Variants in TOX3 observed in about 807,000 individuals in gnomAD.
TOX3 encodes the protein CAG trinucleotide repeat-containing gene F9 protein.
In TOX3, 22 loss-of-function variants were observed where a neutral mutation model predicts 64.3. The ratio of observed to expected loss-of-function variants is 0.34; its 90% CI spans 0.24 to 0.49. The LOEUF (loss-of-function observed/expected upper bound fraction) is 0.49, where lower values mean the gene tolerates loss of function less well. Ranked by LOEUF, TOX3 falls within the 20% of genes least tolerant of loss-of-function variation. The probability of loss-of-function intolerance (pLI) is 0.99; values close to 1 mark genes in which losing one functional copy is unlikely to be tolerated. For synonymous variants in TOX3, 291 were observed against 273.6 expected (o/e 1.06, Z -0.63); for missense variants, 661 against 714.4 (o/e 0.93, Z 0.85).
intron 3 of TOX3, among the ~76,000 whole-genome samples, chr16:52,460,521 G>A (rs1241446194): frequency 6.6e-6 from 1 of 152,042 alleles, no homozygotes; most frequent in Non-Finnish European, 1.5e-5. Flanking sequence ...TTTCATTGCA[G>A]GAAAGAAATA....
At chr16:52,484,186 T>C (rs1381994003) in intron 1 of TOX3, among the ~76,000 whole-genome samples, 2 of 152,208 alleles carry the variant, frequency 1.3e-5, no homozygotes, top group Non-Finnish European at 2.9e-5. Flanking sequence ...GAAATTTCTT[T>C]AAACAAAGTC....
intron 1 of TOX3, among the ~76,000 whole-genome samples, chr16:52,526,548 G>A (rs1305638339): frequency 6.6e-6 from 1 of 152,010 alleles, no homozygotes; most frequent in East Asian, 1.9e-4. Flanking sequence ...GGCAGGGGAT[G>A]GGGGTGGTGG....
intron 1 of TOX3, among the ~76,000 whole-genome samples, chr16:52,506,715 T>C (rs1026685982): frequency 6.6e-6 from 1 of 152,104 alleles, no homozygotes; most frequent in African/African-American, 2.4e-5. Context: ...GGTGGGGAAT[T>C]ATTGGAGAGG....
chr16:52,538,624 A>G (rs1963011790), intron 1 of TOX3, among the ~76,000 whole-genome samples: 1 of 152,228 alleles, frequency 6.6e-6, no homozygotes, highest in South Asian at 2.1e-4. Context: ...ATGAGTATAT[A>G]TCATTCAAAT....
chr16:52,546,684 C>A lies in TOX3; in HGVS notation c.40G>T (p.Ala14Ser), dbSNP rs748500023. 2.6e-6 allele frequency: 4 copies of A among 1,543,292 alleles called. No individual in the cohort carries two copies. The Admixed American group carries it at 7.7e-5, about 30-fold the overall frequency. ...RFYPAAAGDPASLDFAQCLGY... is the reference protein window; with the variant it reads ...RFYPAAAGDPSSLDFAQCLGY... ...AGGCACTGCGCGAAGTCCAGGCTGG[C>A]AGGGTCCCCGGCCGCCGCGGGGTAG... is the stretch of plus-strand genomic sequence containing the variant. The change falls in exon 1 of 7, where the codon GCC becomes TCC. Residue 14 changes from alanine (A) to serine (S), a missense_variant. Transcript: ENST00000219746.
intron 1 of TOX3, among the ~76,000 whole-genome samples, chr16:52,487,375 A>C (rs547726094): frequency 4.6e-5 from 7 of 152,254 alleles, no homozygotes; most frequent in African/African-American, 1.7e-4. Flanking sequence ...ATGAAGAAAA[A>C]TAAGCTTCCT....
At chr16:52,542,221 T>C (rs1963090390) in intron 1 of TOX3, among the ~76,000 whole-genome samples, 1 of 152,156 alleles carries the variant, frequency 6.6e-6, no homozygotes, top group Non-Finnish European at 1.5e-5. Context: ...GTGTCACAAA[T>C]TTCTTTACGC....
At position 52,479,048 on chromosome 16, in the gene TOX3, C is replaced by T. The variant is rs145039919; in HGVS notation, c.88-10474G>A. On this transcript the variant is annotated intron_variant, in intron 1 of 6. Transcript: ENST00000219746. ...ATAAGACCCAGTTTCTACCCAAGAA[C>T]AGCTCTAATAGAAAAGACATATATG... 7.4e-4 allele frequency among the ~76,000 whole-genome samples: 112 copies of T among 152,296 alleles called. 2 individuals are homozygous for T. Among genetic ancestry groups the T allele is most frequent in the African/African-American group, 2.7e-3 (111 of 41,564 alleles).
chr16:52,534,426 C>A (rs1388231969), intron 1 of TOX3, among the ~76,000 whole-genome samples: 2 of 151,952 alleles, frequency 1.3e-5, no homozygotes, highest in Non-Finnish European at 2.9e-5. Context: ...TCACTTGAGG[C>A]CAGGAGTTCA....
intron 1 of TOX3, among the ~76,000 whole-genome samples, chr16:52,493,480 C>T (rs145161895): frequency 1.3e-5 from 2 of 152,218 alleles, no homozygotes; most frequent in African/African-American, 4.8e-5. Flanking sequence ...CAAGGTGATG[C>T]AAAGCAATAA....
At chr16:52,505,270 A>G (rs1962129973) in intron 1 of TOX3, among the ~76,000 whole-genome samples, 1 of 152,246 alleles carries the variant, frequency 6.6e-6, no homozygotes, top group Admixed American at 6.5e-5. Context: ...TGCAGTTAAG[A>G]ATCAACGCAA....
In TOX3 at chr16:52,524,482, G is replaced by A. The variant is rs149144669; in HGVS notation, c.87+22155C>T. The stretch of plus-strand genomic sequence containing the variant: ...AATGCAAATGATTTCCAATCACCAC[G>A]GGTACGTGTACTCAATTACAAAGTC... On this transcript the variant is annotated intron_variant, in intron 1 of 6. Transcript: ENST00000219746. Among the ~76,000 whole-genome samples, 182 of 152,204 alleles carry A rather than the reference G, an allele frequency of 1.2e-3. 1 individual carries two copies. The highest frequency in any genetic ancestry group is 4.2e-3 in the African/African-American group (174 of 41,532).
chr16:52,439,598 T>G lies in TOX3; in HGVS notation c.1358A>C (p.Gln453Pro). Residue 453 changes from glutamine to proline, a missense_variant, in exon 7 of 7, where the codon CAA (glutamine) becomes CCA (proline). Coordinates refer to ENST00000219746, the MANE Select transcript of TOX3 (RefSeq NM_001080430.4). ...CTGCTGCATCTGTTGCATCTGTTGT[T>G]GTTGCTGCTGCTGCTGCTGCTGCAA... Reference protein sequence around the residue: ...MQLQQQQQQQQQQMQQMQQQQ... With the variant: ...MQLQQQQQQQPQQMQQMQQQQ... The G allele has an allele frequency of 6.2e-7, 1 of 1,601,462 alleles. No homozygotes were observed. The highest frequency in any genetic ancestry group is 8.5e-7 in the Non-Finnish European group (1 of 1,171,286).
intron 1 of TOX3, among the ~76,000 whole-genome samples, chr16:52,488,897 G>T (rs1293916938): frequency 6.6e-6 from 1 of 152,070 alleles, no homozygotes; most frequent in African/African-American, 2.4e-5. Context: ...GCCTCTCCAA[G>T]CACTCAGCAC....
At chr16:52,520,460 T>A (rs757902663) in intron 1 of TOX3, among the ~76,000 whole-genome samples, 22 of 152,214 alleles carry the variant, frequency 1.4e-4, no homozygotes, top group Non-Finnish European at 2.8e-4. Context: ...GTTAATAGAC[T>A]CATGTTCAAT....
At chr16:52,540,295 TG>T (rs1963049217) in intron 1 of TOX3, among the ~76,000 whole-genome samples, 1 of 148,028 alleles carries the variant, frequency 6.8e-6, no homozygotes. Context: ...CCTGAGTAGC[TG>T]GGACCACAGG....
At chr16:52,482,612 A>G (rs1336136891) in intron 1 of TOX3, among the ~76,000 whole-genome samples, 1 of 152,152 alleles carries the variant, frequency 6.6e-6, no homozygotes, top group Non-Finnish European at 1.5e-5. Context: ...TGAATATGCC[A>G]CAGTTAAACA....
At chr16:52,447,254 C>A (rs780811039) in intron 4 of TOX3, among the ~76,000 whole-genome samples, 1 of 152,166 alleles carries the variant, frequency 6.6e-6, no homozygotes, top group African/African-American at 2.4e-5. Flanking sequence ...AAGAATCCTG[C>A]AATGTTTGAC....
In TOX3 at chr16:52,546,814, G is replaced by A. The variant is rs1011097020; in HGVS notation, c.-91C>T. ...GCCGCCGCTAGATCCACCGTCGAGG[G>A]CGCCCGGGGGTGGCGCGTGGGACTC... On this transcript the variant is annotated 5_prime_UTR_variant, in exon 1 of 7. Coordinates refer to ENST00000219746, the MANE Select transcript of TOX3 (RefSeq NM_001080430.4). 12 of 1,297,108 alleles carry A rather than the reference G, an allele frequency of 9.3e-6. No homozygotes were observed. Among genetic ancestry groups the A allele is most frequent in the Non-Finnish European group, 1.2e-5 (12 of 1,023,850 alleles). The allele number at this position is 1,297,108 out of a possible 1,614,324, so 80.3% of individuals were successfully genotyped here.
Sources: gnomAD v4.1 joint callset for allele counts (sites outside exome capture counted in the v4.1 genomes callset) on GRCh38, gnomAD v4.1.1 for gene constraint, MANE v1.5 for transcripts, NCBI Gene and HGNC (gene_info 2026-07-23, HGNC 2026-07-21) for gene names.